The following MAGI1 variants were observed in gnomAD, a reference collection of about 807,000 sequenced individuals.
MAGI1 encodes the protein membrane associated guanylate kinase, WW and PDZ domain containing 1.
Under a neutral mutation model 139.9 loss-of-function variants are expected in MAGI1, and 58 were observed. The ratio of observed to expected loss-of-function variants is 0.41; its 90% CI spans 0.34 to 0.52. MAGI1 has a LOEUF of 0.52. MAGI1 is among the 20% of genes least tolerant of loss of function. The pLI is 0.12. For synonymous variants in MAGI1, 812 were observed against 737.9 expected, an observed-to-expected ratio of 1.10 and a Z score of -1.63; for missense variants, 1,874 against 1,901.6, an observed-to-expected ratio of 0.99 and a Z score of 0.27.
chr3:65,537,306 G>A lies in MAGI1; in HGVS notation c.431-43675C>T, dbSNP rs529640438. On this transcript the variant is annotated intron_variant, in intron 2 of 22. Transcript: ENST00000402939. ...AACTCCTATTGATCCTACAAAGCCC[G>A]TTTTTCTGTGGAAGCCATACCATTC... is the stretch of plus-strand genomic sequence containing the variant. Among the ~76,000 whole-genome samples, 30 of 152,172 alleles carry A rather than the reference G, an allele frequency of 2.0e-4. No homozygotes were observed. In the South Asian group the frequency reaches 5.2e-3, roughly 26 times the overall value.
intron 12 of MAGI1, among the ~76,000 whole-genome samples, chr3:65,411,494 C>T (rs928946570): frequency 3.9e-5 from 6 of 151,986 alleles, no homozygotes; most frequent in Admixed American, 6.6e-5. Context: ...ATAGGATGTA[C>T]GGGGGGATTA....
At chr3:65,648,220 C>G (rs2085377162) in intron 1 of MAGI1, among the ~76,000 whole-genome samples, 1 of 151,874 alleles carries the variant, frequency 6.6e-6, no homozygotes, top group African/African-American at 2.4e-5. Context: ...TCACAGCTCA[C>G]TGAAGCCTCA....
chr3:65,356,539 T>C lies in MAGI1; in HGVS notation c.4228A>G (p.Arg1410Gly). Residue 1410 changes from arginine to glycine, a missense_variant, in exon 23 of 23, where the codon AGG becomes GGG. This residue lies in a region of MAGI1 where 653 missense variants were observed against 644.5 expected (regional missense o/e 1.01). Transcript: ENST00000402939. ...DRRRARSPER[R>G]RERSLDKRNR... ...CTTTTGTCCAGGGACCGCTCTCTCC[T>C]GCGCTCGGGGGAGCGTGCGCGCCTC... 2 of 1,610,070 alleles carry C rather than the reference T, an allele frequency of 1.2e-6. No homozygotes were observed. Among genetic ancestry groups the C allele is most frequent in the Non-Finnish European group, 8.5e-7 (1 of 1,179,826 alleles).
chr3:65,994,345 G>T (rs1371444476), intron 1 of MAGI1, among the ~76,000 whole-genome samples: 1 of 150,344 alleles, frequency 6.7e-6, no homozygotes, highest in East Asian at 2.0e-4. Flanking sequence ...CAATGCTCTA[G>T]AACACAGCAA....
At chr3:65,414,712 A>G (rs947364314) in intron 12 of MAGI1, among the ~76,000 whole-genome samples, 2 of 152,102 alleles carry the variant, frequency 1.3e-5, no homozygotes, top group Non-Finnish European at 2.9e-5. Context: ...AAAAAGGAGG[A>G]GATAAATGAT....
chr3:65,927,577 G>C (rs1339684690), intron 1 of MAGI1, among the ~76,000 whole-genome samples: 2 of 152,210 alleles, frequency 1.3e-5, no homozygotes, highest in African/African-American at 4.8e-5. Flanking sequence ...CAAGAAATCA[G>C]GGTGCTTCTG....
chr3:65,792,744 G>T (rs945794985), intron 1 of MAGI1, among the ~76,000 whole-genome samples: 3 of 152,000 alleles, frequency 2.0e-5, no homozygotes, highest in Non-Finnish European at 4.4e-5. Flanking sequence ...ATGACTCAAG[G>T]TTCATTACAC....
At chr3:65,455,747 A>T (rs1017562467) in intron 5 of MAGI1, among the ~76,000 whole-genome samples, 1 of 152,212 alleles carries the variant, frequency 6.6e-6, no homozygotes, top group African/African-American at 2.4e-5. Flanking sequence ...AAAATAAAAT[A>T]AAAATAAAAA....
At chr3:65,527,865 C>G (rs896585713) in intron 2 of MAGI1, among the ~76,000 whole-genome samples, 1 of 151,752 alleles carries the variant, frequency 6.6e-6, no homozygotes, top group Non-Finnish European at 1.5e-5. Context: ...CGAGATCATG[C>G]CACTGCACTC....
intron 18 of MAGI1, among the ~76,000 whole-genome samples, chr3:65,370,224 T>C (rs961223636): frequency 6.6e-6 from 1 of 152,040 alleles, no homozygotes; most frequent in Non-Finnish European, 1.5e-5. Flanking sequence ...GCCGAGATCA[T>C]GCCACTGCAC....
At chr3:65,779,650 T>A (rs2038770736) in intron 1 of MAGI1, among the ~76,000 whole-genome samples, 1 of 152,230 alleles carries the variant, frequency 6.6e-6, no homozygotes, top group South Asian at 2.1e-4. Flanking sequence ...GATTTATAAG[T>A]CTACTTAGAT....
At chr3:65,757,568 G>T (rs897659471) in intron 1 of MAGI1, among the ~76,000 whole-genome samples, 1 of 152,114 alleles carries the variant, frequency 6.6e-6, no homozygotes, top group African/African-American at 2.4e-5. Flanking sequence ...AACCCAGGAG[G>T]CAGAGGTTGC....
chr3:65,412,343 GA>G (rs1945858869), intron 12 of MAGI1, among the ~76,000 whole-genome samples: 3 of 152,218 alleles, frequency 2.0e-5, no homozygotes, highest in Non-Finnish European at 1.5e-5. Context: ...GAGCCAACCA[GA>G]GATCCAGGCA....
At chr3:65,980,300 C>T (rs1173551575) in intron 1 of MAGI1, among the ~76,000 whole-genome samples, 6 of 152,288 alleles carry the variant, frequency 3.9e-5, no homozygotes, top group East Asian at 3.9e-4. Context: ...TGGTAGCTCA[C>T]GCCTATAATC....
intron 1 of MAGI1, among the ~76,000 whole-genome samples, chr3:65,654,866 C>T (rs2085784804): frequency 6.6e-6 from 1 of 152,152 alleles, no homozygotes; most frequent in Admixed American, 6.5e-5. Flanking sequence ...AGAATACAAG[C>T]TACATTGACT....
intron 2 of MAGI1, among the ~76,000 whole-genome samples, chr3:65,593,639 T>C (rs551187142): frequency 6.6e-5 from 10 of 152,302 alleles, no homozygotes; most frequent in African/African-American, 2.4e-4. Flanking sequence ...ATAATTACAA[T>C]AGCACTCTAG....
intron 1 of MAGI1, among the ~76,000 whole-genome samples, chr3:65,807,714 G>T (rs2108172876): frequency 6.6e-6 from 1 of 152,252 alleles, no homozygotes; most frequent in South Asian, 2.1e-4. Context: ...ATAATGTCTG[G>T]TAGTGAGTGA....
At chr3:65,561,557 G>T in intron 2 of MAGI1, among the ~76,000 whole-genome samples, 1 of 152,156 alleles carries the variant, frequency 6.6e-6, no homozygotes, top group Non-Finnish European at 1.5e-5. Flanking sequence ...AGAGACATGA[G>T]ACAGATTAAG....
intron 1 of MAGI1, among the ~76,000 whole-genome samples, chr3:65,905,759 T>C (rs1290623295): frequency 6.6e-6 from 1 of 152,162 alleles, no homozygotes; most frequent in East Asian, 1.9e-4. Flanking sequence ...ACTCAGAAGT[T>C]ACAGAAAAAG....
Sources: gnomAD v4.1 joint callset for allele counts (sites outside exome capture counted in the v4.1 genomes callset) on GRCh38, gnomAD v4.1.1 for gene constraint, gnomAD v4.1.1 regional missense constraint, MANE v1.5 for transcripts, NCBI Gene and HGNC (gene_info 2026-07-23, HGNC 2026-07-21) for gene names.